The following GAK variants were observed in gnomAD, a reference collection of about 807,000 sequenced individuals.
The protein encoded by GAK is cyclin-G-associated kinase.
A neutral mutation model predicts 143.9 loss-of-function variants in GAK; 79 were observed. The observed-to-expected ratio is 0.55, with a 90% CI of 0.46 to 0.66. The LOEUF (loss-of-function observed/expected upper bound fraction) is 0.66. Among genes scored for constraint, GAK ranks in the 30% least tolerant of loss-of-function variants. The pLI is 0.00. For missense variants in GAK, 1,693 were observed against 1,779.7 expected (o/e 0.95, Z 0.88); for synonymous variants, 881 against 765.5 (o/e 1.15, Z -2.49).
intron 15 of GAK, among the ~76,000 whole-genome samples, chr4:878,288 GC>G (rs1233964032): frequency 1.3e-5 from 2 of 152,140 alleles, no homozygotes; most frequent in Non-Finnish European, 2.9e-5. Context: ...ACTCGGGAGG[GC>G]TAAGGCAGGA....
At chr4:868,419 C>T in intron 20 of GAK, 120 bp downstream of exon 20, 1 of 962,858 alleles carries the variant, frequency 1.0e-6, no homozygotes, top group Non-Finnish European at 1.5e-6. Flanking sequence ...CACAGCCCCA[C>T]TGAGGTGCAA....
rs200146913 is a variant in GAK, at chr4:851,790, G to A, written c.3468C>T (p.Ile1156=). ...GGACCCCCCGCTCCTCCCGCGCCCCGATCACACTGAAGTTCGAGGCATAGT... is the reference window on the plus strand; with the variant it reads ...GGACCCCCCGCTCCTCCCGCGCCCCAATCACACTGAAGTTCGAGGCATAGT... ...RPNYASNFSV[I]GAREERGVRA... is the part of the protein sequence containing the mutation. The change falls in exon 25 of 28, where the codon ATC becomes ATT. Residue 1156 remains isoleucine (I), a synonymous_variant. Coordinates refer to ENST00000314167, the MANE Select transcript of GAK (RefSeq NM_005255.4). The A allele has an allele frequency of 1.6e-5, 26 of 1,612,712 alleles. No homozygotes were observed. Among genetic ancestry groups the A allele is most frequent in the Admixed American group, 8.4e-5 (5 of 59,814 alleles).
chr4:904,811 G>T (rs778478092), intron 4 of GAK, 32 bp from the exon 5 acceptor site: 5 of 1,608,704 alleles, frequency 3.1e-6, no homozygotes, highest in Non-Finnish European at 4.2e-6. Context: ...ATGGAGGCAG[G>T]AGAACAGGGT....
At chr4:872,414 CA>C (rs1326730297) in intron 18 of GAK, 1 of 152,320 alleles carries the variant, frequency 6.6e-6, no homozygotes, top group African/African-American at 2.4e-5. Flanking sequence ...TGTCTGTCGT[CA>C]GGGGTGGCAG....
At chr4:857,408 G>A (rs1015055049) in intron 24 of GAK, among the ~76,000 whole-genome samples, 3 of 152,184 alleles carry the variant, frequency 2.0e-5, no homozygotes, top group Admixed American at 1.3e-4. Flanking sequence ...TCAACATTCG[G>A]TGAAATTCTC....
chr4:915,158 TATACACGGCCCCACACACACAGCCCCAGC>T (rs1722916649), intron 1 of GAK, among the ~76,000 whole-genome samples: 4 of 43,486 alleles, frequency 9.2e-5, no homozygotes, highest in African/African-American at 1.9e-4. Flanking sequence ...ACAGCCCCAG[TATACACGGCCCCACACACACAGCCCCAGC>T]ATACACGGCC....
rs757984571 is a variant in GAK, at chr4:866,353, G to C, written c.3043+11C>G. On this transcript the variant is annotated intron_variant, in intron 22 of 27. Transcript: ENST00000314167. ...CCATGGAGAGCTGGCTGCCAGGCGA[G>C]AGGCACTTACCCAGGTGCAGGAAGT... 7 of 1,613,280 alleles carry C rather than the reference G, an allele frequency of 4.3e-6. No individual in the cohort carries two copies. The South Asian group carries it at 6.6e-5, about 15-fold the overall frequency.
intron 1 of GAK, among the ~76,000 whole-genome samples, chr4:919,863 T>C (rs1206792918): frequency 1.3e-5 from 2 of 152,202 alleles, no homozygotes; most frequent in African/African-American, 4.8e-5. Context: ...ACCAAAAGTG[T>C]ATACTAAGGT....
chr4:867,568 C>T (rs1311776889), intron 20 of GAK, 136 bp from the exon 21 acceptor site: 3 of 534,824 alleles, frequency 5.6e-6, no homozygotes, highest in Non-Finnish European at 3.3e-6. Flanking sequence ...GTCCCCACGG[C>T]GCGTCCCTTC....
chr4:867,356 G>T lies in GAK; in HGVS notation c.2472C>A (p.Asp824Glu), dbSNP rs759764270. ...CCCCTTCATCTGACACCTCACTCTC[G>T]TCTCTGTCCTCCATCAGGGCAGACT... The part of the protein sequence containing the change: ...ESESALMEDR[D>E]ESEVSDEGGS... The change falls in exon 21 of 28, where the codon GAC becomes GAA. Residue 824 changes from aspartate to glutamate, a missense_variant. Physicochemically the swap from Asp to Glu is conservative, Grantham distance 45 (BLOSUM62 2). Around this residue, in one of 2 missense-constraint regions of GAK, gnomAD observed 822 missense variants for 788.7 expected, o/e 1.04. Transcript: ENST00000314167. 4.4e-6 allele frequency: 7 copies of T among 1,601,462 alleles called. No homozygotes were observed. The South Asian group carries it at 6.7e-5, about 15-fold the overall frequency.
At chr4:927,890 A>C (rs1315742027) in intron 1 of GAK, among the ~76,000 whole-genome samples, 1 of 152,202 alleles carries the variant, frequency 6.6e-6, no homozygotes, top group Non-Finnish European at 1.5e-5. Flanking sequence ...CAAAGAAGCA[A>C]GGATGACAGA....
chr4:912,610 G>C (rs978986532), intron 3 of GAK, 125 bp downstream of exon 3: 2 of 699,344 alleles, frequency 2.9e-6, no homozygotes, highest in Non-Finnish European at 4.7e-6. Flanking sequence ...AAAGCAAAAA[G>C]CCGATTTTAA....
chr4:907,234 C>G (rs990210987), intron 4 of GAK, among the ~76,000 whole-genome samples: 2 of 152,248 alleles, frequency 1.3e-5, no homozygotes, highest in African/African-American at 4.8e-5. Flanking sequence ...GCACTGCCCC[C>G]ACCTGCACCC....
intron 3 of GAK, chr4:912,172 G>A (rs1361000889): frequency 2.2e-6 from 1 of 458,074 alleles, no homozygotes; most frequent in Non-Finnish European, 4.4e-6. Flanking sequence ...CGAGTGAACA[G>A]AGCTAGGAGA....
At chr4:876,837 G>T (rs1714008749) in intron 17 of GAK, among the ~76,000 whole-genome samples, 2 of 152,254 alleles carry the variant, frequency 1.3e-5, no homozygotes, top group African/African-American at 4.8e-5. Flanking sequence ...GACTGCCGTG[G>T]GGGCTGCCCC....
At chr4:902,596 C>CAAAAAAAAAAA (rs768017849) in intron 5 of GAK, among the ~76,000 whole-genome samples, 5,573 of 60,254 alleles carry the variant, frequency 0.092, 591 homozygotes, top group East Asian at 0.18. Context: ...GTGACTGACT[C>CAAAAAAAAAAA]AAAAAAAAAA....
rs142467531 is a variant in GAK at position 877,719 on chromosome 4, G to A, written c.1752C>T (p.Pro584=). 354 of 1,613,368 alleles carry A rather than the reference G, an allele frequency of 2.2e-4. No individual in the cohort carries two copies. Among genetic ancestry groups the A allele is most frequent in the Non-Finnish European group, 2.7e-4 (319 of 1,179,946 alleles). The stretch of plus-strand genomic sequence containing the variant: ...TCCTCTGCTTGCTGAACAGCGGCAC[G>A]GGTGTCATGACCACGGCCCTCACCA... The part of the protein sequence containing the change: ...PILVRAVVMT[P]VPLFSKQRSG... Residue 584 remains proline, a synonymous_variant, in exon 16 of 28, where the codon CCC becomes CCT. Transcript: ENST00000314167.
chr4:850,346 G>A, intron 26 of GAK: 1 of 383,616 alleles, frequency 2.6e-6, no homozygotes. Context: ...TGGTTCTGGT[G>A]GTGCAACCCC....
In GAK at chr4:859,588, A is replaced by C; in HGVS notation, c.3283+18T>G. ...CAAGGAAACAGCTTCCACACCCCCAAAGTGCCCTCCACGTTACCTTGGAGG... is the reference window on the plus strand; with the variant it reads ...CAAGGAAACAGCTTCCACACCCCCACAGTGCCCTCCACGTTACCTTGGAGG... On this transcript the variant is annotated intron_variant, in intron 24 of 27. Transcript: ENST00000314167. 6.3e-7 allele frequency: 1 copy of C among 1,590,344 alleles called. No individual in the cohort carries two copies. The highest frequency in any genetic ancestry group is 8.6e-7 in the Non-Finnish European group (1 of 1,160,274).
Sources: gnomAD v4.1 joint callset for allele counts (sites outside exome capture counted in the v4.1 genomes callset) on GRCh38, gnomAD v4.1.1 for gene constraint, gnomAD v4.1.1 regional missense constraint, MANE v1.5 for transcripts, NCBI Gene and HGNC (gene_info 2026-07-23, HGNC 2026-07-21) for gene names.